HERC1: variants seen among roughly 807,000 people sequenced by gnomAD.
HERC1 encodes the protein probable E3 ubiquitin-protein ligase HERC1.
A neutral mutation model predicts 554.3 loss-of-function variants in HERC1; 160 were observed. The observed-to-expected ratio is 0.29, with a 90% CI of 0.25 to 0.33. The LOEUF is 0.33. Ranked by LOEUF, HERC1 falls within the 10% of genes least tolerant of loss-of-function variation. The pLI is 1.00. For synonymous variants in HERC1, 2,175 were observed against 2,131.7 expected, an observed-to-expected ratio of 1.02 and a Z score of -0.56; for missense variants, 4,919 against 5,918.5, an observed-to-expected ratio of 0.83 and a Z score of 5.54.
intron 54 of HERC1, among the ~76,000 whole-genome samples, chr15:63,648,856 G>A (rs1372855557): frequency 1.3e-5 from 2 of 152,122 alleles, no homozygotes; most frequent in African/African-American, 4.8e-5. Flanking sequence ...AACCTCTTCT[G>A]TTAATGGAAT....
intron 25 of HERC1, among the ~76,000 whole-genome samples, chr15:63,702,607 G>A (rs550975356): frequency 3.3e-5 from 5 of 152,234 alleles, no homozygotes; most frequent in Admixed American, 3.3e-4. Context: ...TTTTATCAAA[G>A]TACCAAATTA....
chr15:63,808,822 T>C (rs1035317617), intron 1 of HERC1, among the ~76,000 whole-genome samples: 2 of 152,158 alleles, frequency 1.3e-5, no homozygotes, highest in African/African-American at 4.8e-5. Flanking sequence ...AGGGTCCTTA[T>C]CATATTGTCT....
chr15:63,706,454 T>A (rs2073011942), intron 25 of HERC1, among the ~76,000 whole-genome samples: 1 of 152,182 alleles, frequency 6.6e-6, no homozygotes, highest in African/African-American at 2.4e-5. Flanking sequence ...AAATAACCCC[T>A]TTCCATCATA....
In HERC1 at chr15:63,644,993, T is replaced by C. The variant is rs191228528; in HGVS notation, c.11183A>G (p.Gln3728Arg). The C allele has an allele frequency of 7.5e-6, 12 of 1,600,724 alleles. No individual in the cohort carries two copies. The Admixed American group carries it at 1.0e-4, about 13-fold the overall frequency. The part of the protein sequence containing the change: ...EGWWEQESNC[Q>R]DGYRKSSGAK... The stretch of plus-strand genomic sequence containing the variant: ...TCTTCAAAAACACCAGAATGTTACC[T>C]GGCAATTTGATTCCTGCTCCCACCA... The change falls in exon 57 of 78, where the codon CAG becomes CGG. Residue 3728 changes from glutamine (Q) to arginine (R), a missense_variant and splice_region_variant. This residue lies in a region of HERC1 where 1,963 missense variants were observed against 2,228.6 expected (regional missense o/e 0.88). Coordinates refer to ENST00000443617, the MANE Select transcript of HERC1 (RefSeq NM_003922.4).
Position 63,718,699 on chromosome 15 carries a change from A to G in HERC1, c.3858-5T>C. On this transcript the variant is annotated splice_polypyrimidine_tract_variant and splice_region_variant and intron_variant, in intron 20 of 77. Coordinates refer to ENST00000443617, the MANE Select transcript of HERC1 (RefSeq NM_003922.4). The surrounding 1 kb of genome is among the most constrained non-coding windows in gnomAD (Gnocchi z 4.2). ...AAGTGTTTACCAGGTTGATATCTAA[A>G]TGAAGAACCAAAATAGAAAAGTTAC... The G allele has an allele frequency of 6.2e-7, 1 of 1,601,302 alleles. No individual in the cohort carries two copies. Among genetic ancestry groups the G allele is most frequent in the Non-Finnish European group, 8.5e-7 (1 of 1,170,626 alleles).
intron 1 of HERC1, among the ~76,000 whole-genome samples, chr15:63,813,121 TA>T (rs1193819597): frequency 2.0e-5 from 3 of 152,198 alleles, no homozygotes; most frequent in Non-Finnish European, 4.4e-5. Context: ...AAGACCTTCA[TA>T]AAAATCTGCT....
chr15:63,760,919 T>C (rs2075590235), intron 3 of HERC1, among the ~76,000 whole-genome samples: 2 of 152,240 alleles, frequency 1.3e-5, no homozygotes, highest in African/African-American at 4.8e-5. Context: ...AAAAAATCCT[T>C]TGGGCTTCTC....
chr15:63,744,414 G>A (rs187191699), intron 12 of HERC1, among the ~76,000 whole-genome samples: 3 of 152,258 alleles, frequency 2.0e-5, no homozygotes, highest in African/African-American at 7.2e-5. Flanking sequence ...CAGCCAGGCC[G>A]TGTCCTTCCC....
intron 60 of HERC1, among the ~76,000 whole-genome samples, 176 bp downstream of exon 60, chr15:63,641,294 G>C (rs1264795465): frequency 6.6e-6 from 1 of 152,168 alleles, no homozygotes; most frequent in Non-Finnish European, 1.5e-5. Context: ...AGCAAGAATA[G>C]GCTTAGGGTT....
chr15:63,712,320 C>T (rs913973558), intron 24 of HERC1, among the ~76,000 whole-genome samples: 5 of 152,050 alleles, frequency 3.3e-5, no homozygotes, highest in Admixed American at 6.6e-5. Flanking sequence ...GACACACTAA[C>T]GGTAAAATTT....
intron 1 of HERC1, among the ~76,000 whole-genome samples, chr15:63,786,899 A>C: frequency 1.3e-5 from 2 of 151,626 alleles, no homozygotes; most frequent in Non-Finnish European, 2.9e-5. Context: ...CGTGATGTGA[A>C]CTTCAACTCA....
intron 1 of HERC1, among the ~76,000 whole-genome samples, chr15:63,796,569 C>T (rs573647467): frequency 5.9e-5 from 9 of 152,200 alleles, no homozygotes; most frequent in Admixed American, 1.3e-4. Flanking sequence ...AGGTTAAGGA[C>T]ATGCCTGTGA....
intron 73 of HERC1, among the ~76,000 whole-genome samples, chr15:63,623,253 G>C (rs1422275513): frequency 1.3e-5 from 2 of 152,164 alleles, no homozygotes; most frequent in Non-Finnish European, 2.9e-5. Flanking sequence ...TGCTGGAAAG[G>C]ACAGAGCTGA....
chr15:63,747,305 C>T (rs1291111383), intron 11 of HERC1, among the ~76,000 whole-genome samples: 2 of 151,994 alleles, frequency 1.3e-5, no homozygotes, highest in Non-Finnish European at 2.9e-5. Flanking sequence ...ACTAAAAATA[C>T]AAAAATTAGC....
At chr15:63,754,173 C>CA (rs34864960) in intron 7 of HERC1, among the ~76,000 whole-genome samples, 2,282 of 124,606 alleles carry the variant, frequency 0.018, 42 homozygotes, top group African/African-American at 0.058. Flanking sequence ...GACCCTATCT[C>CA]AAAAAAAAAA....
Position 63,698,793 on chromosome 15 carries a change from C to T in HERC1, c.4840G>A (p.Glu1614Lys). ...GCCTGGGGACTTGTAGACATACTTTCCTCTGGCTCTTTAAAACCTGGGGCA... is the reference window on the plus strand; with the variant it reads ...GCCTGGGGACTTGTAGACATACTTTTCTCTGGCTCTTTAAAACCTGGGGCA... Reference protein sequence around the residue: ...GNAPGFKEPEESMSTSPQASI... With the variant: ...GNAPGFKEPEKSMSTSPQASI... Residue 1614 changes from glutamate (E) to lysine (K), a missense_variant, in exon 26 of 78, where the codon GAA (glutamate) becomes AAA (lysine). Physicochemically the swap from Glu to Lys is moderately conservative, Grantham distance 56. Transcript: ENST00000443617. The T allele has an allele frequency of 6.2e-7, 1 of 1,613,926 alleles. No homozygotes were observed. Among genetic ancestry groups the T allele is most frequent in the South Asian group, 1.1e-5 (1 of 91,078 alleles).
chr15:63,825,893 G>T (rs1338176261), intron 1 of HERC1, among the ~76,000 whole-genome samples: 1 of 151,846 alleles, frequency 6.6e-6, no homozygotes, highest in Non-Finnish European at 1.5e-5. Flanking sequence ...CTCCCGAGTA[G>T]CTGGGATTAC....
chr15:63,749,625 C>G lies in HERC1; in HGVS notation c.2047+22G>C, dbSNP rs750396088. The G allele has an allele frequency of 6.3e-7, 1 of 1,593,654 alleles. No homozygotes were observed. Among genetic ancestry groups the G allele is most frequent in the African/African-American group, 1.4e-5 (1 of 73,984 alleles). On this transcript the variant is annotated intron_variant, in intron 9 of 77. Transcript: ENST00000443617. The surrounding 1 kb of genome is among the most constrained non-coding windows in gnomAD (Gnocchi z 4.1). ...CACAAGACAACAGTTAATACTATTT[C>G]CTTAAAAACAAATGACTTTACCATG...
chr15:63,615,885 A>T lies in HERC1; in HGVS notation c.13977T>A (p.Ala4659=), dbSNP rs1313402273. The change falls in exon 76 of 78, where the codon GCT becomes GCA. Residue 4659 remains alanine, a synonymous_variant. Transcript: ENST00000443617. ...IPLDSFVGQS[A]DGKMVPIIPG... Reference sequence around the variant, plus strand: ...GGATTATAGGAACCATTTTGCCATCAGCACTCTGGCCAACAAAAGAATCAA... The same window carrying T: ...GGATTATAGGAACCATTTTGCCATCTGCACTCTGGCCAACAAAAGAATCAA... 2 of 1,601,242 alleles carry T rather than the reference A, an allele frequency of 1.2e-6. No individual in the cohort carries two copies. The highest frequency in any genetic ancestry group is 1.7e-6 in the Non-Finnish European group (2 of 1,175,280).
Sources: gnomAD v4.1 joint callset for allele counts (sites outside exome capture counted in the v4.1 genomes callset) on GRCh38, gnomAD v4.1.1 for gene constraint, gnomAD v4.1.1 regional missense constraint, Gnocchi (gnomAD v3.1) non-coding constraint, MANE v1.5 for transcripts, NCBI Gene and HGNC (gene_info 2026-07-23, HGNC 2026-07-21) for gene names.